Variants in KAZN observed in about 807,000 individuals in gnomAD.
KAZN encodes kazrin, periplakin interacting protein.
A neutral mutation model predicts 87.4 loss-of-function variants in KAZN; 40 were observed. That is an observed-to-expected ratio of 0.46 (90% CI 0.36 to 0.60). KAZN has a LOEUF of 0.60. Ranked by LOEUF, KAZN falls within the 20% of genes least tolerant of loss-of-function variation. The pLI is 0.00. For missense variants in KAZN, 898 were observed against 1,073.9 expected, an observed-to-expected ratio of 0.84 and a Z score of 2.29; for synonymous variants, 466 against 458.3, an observed-to-expected ratio of 1.02 and a Z score of -0.22.
At chr1:14,857,886 C>G (rs1160683209) in intron 1 of KAZN, among the ~76,000 whole-genome samples, 2 of 152,122 alleles carry the variant, frequency 1.3e-5, no homozygotes, top group Non-Finnish European at 2.9e-5. Flanking sequence ...TTCACACTCA[C>G]TTCTTAACCA....
chr1:14,388,626 A>G (rs540320343), intron 2 of KAZN, among the ~76,000 whole-genome samples: 58 of 152,308 alleles, frequency 3.8e-4, no homozygotes, highest in South Asian at 1.4e-3. Context: ...TAAATGATGC[A>G]GGGAAAACTG....
chr1:13,948,000 A>G (rs941550600), intron 1 of KAZN, among the ~76,000 whole-genome samples: 1 of 152,232 alleles, frequency 6.6e-6, no homozygotes, highest in African/African-American at 2.4e-5. Context: ...GGGGGGATAC[A>G]GTTTAGCTCA....
chr1:14,011,695 G>T (rs907612615), intron 1 of KAZN, among the ~76,000 whole-genome samples: 6 of 152,152 alleles, frequency 3.9e-5, no homozygotes, highest in African/African-American at 1.4e-4. Flanking sequence ...GTGACCTTGG[G>T]CAAGTGAGTG....
chr1:15,046,649 G>A (rs116831090), intron 4 of KAZN, among the ~76,000 whole-genome samples: 432 of 152,336 alleles, frequency 2.8e-3, no homozygotes, highest in Non-Finnish European at 4.8e-3. Flanking sequence ...CTAAGGGCCA[G>A]GCCCCAGGAC....
At chr1:14,987,410 C>T (rs1172056367) in intron 2 of KAZN, among the ~76,000 whole-genome samples, 9 of 152,118 alleles carry the variant, frequency 5.9e-5, no homozygotes, top group African/African-American at 2.2e-4. Context: ...AGGAGAATCG[C>T]TTGAACCCAG....
chr1:14,871,889 G>A (rs1464841956), intron 1 of KAZN, among the ~76,000 whole-genome samples: 2 of 152,086 alleles, frequency 1.3e-5, no homozygotes, highest in Non-Finnish European at 2.9e-5. Flanking sequence ...CCGGGAGAAT[G>A]GGGGTGTTTA....
intron 2 of KAZN, among the ~76,000 whole-genome samples, chr1:14,292,822 C>T (rs554493642): frequency 6.6e-6 from 1 of 152,340 alleles, no homozygotes; most frequent in South Asian, 2.1e-4. Context: ...CACCTGTTTC[C>T]TCCAACCCCC....
At chr1:14,261,271 T>G (rs1429992669) in intron 2 of KAZN, among the ~76,000 whole-genome samples, 1 of 152,208 alleles carries the variant, frequency 6.6e-6, no homozygotes, top group African/African-American at 2.4e-5. Flanking sequence ...CAAGTAGGTA[T>G]TTCATGAAGA....
At chr1:14,878,307 T>TGG (rs528105221) in intron 1 of KAZN, among the ~76,000 whole-genome samples, 20 of 152,050 alleles carry the variant, frequency 1.3e-4, no homozygotes, top group African/African-American at 4.3e-4. Context: ...AACAGTTCTT[T>TGG]GGGGGGGTGG....
intron 2 of KAZN, among the ~76,000 whole-genome samples, chr1:14,409,317 G>A (rs1278808324): frequency 6.6e-6 from 1 of 152,158 alleles, no homozygotes; most frequent in African/African-American, 2.4e-5. Context: ...TTAGACTCAA[G>A]AGCAATGAGT....
At chr1:14,675,081 T>A (rs1640135347) in intron 1 of KAZN, among the ~76,000 whole-genome samples, 1 of 152,240 alleles carries the variant, frequency 6.6e-6, no homozygotes, top group Non-Finnish European at 1.5e-5. Flanking sequence ...GTCAGTCTCG[T>A]GGTGTTAGTT....
chr1:14,683,592 C>A lies in KAZN; in HGVS notation c.226+84369C>A, dbSNP rs149212817. On this transcript the variant is annotated intron_variant, in intron 1 of 14. Coordinates refer to ENST00000376030, the MANE Select transcript of KAZN (RefSeq NM_201628.3). Reference sequence around the variant, plus strand: ...ATAAATGATAAATGGATGCACATTGCGTGTCACTTATTCACGACCCATTTA... The same window carrying A: ...ATAAATGATAAATGGATGCACATTGAGTGTCACTTATTCACGACCCATTTA... Among the ~76,000 whole-genome samples, 4 of 152,302 alleles carry A rather than the reference C, an allele frequency of 2.6e-5. No homozygotes were observed. In the East Asian group the frequency reaches 7.7e-4, roughly 29 times the overall value.
chr1:14,559,581 CGAA>C (rs753924958), intron 2 of KAZN, among the ~76,000 whole-genome samples: 27 of 152,276 alleles, frequency 1.8e-4, no homozygotes, highest in East Asian at 5.8e-4. Context: ...GGCCAGTAGA[CGAA>C]GAAGAAGATA....
intron 2 of KAZN, among the ~76,000 whole-genome samples, chr1:15,033,420 C>G (rs1671936085): frequency 6.6e-6 from 1 of 152,052 alleles, no homozygotes; most frequent in African/African-American, 2.4e-5. Context: ...TTTCATAGCT[C>G]TTGGATGTAT....
At chr1:15,069,264 G>A (rs2100584127) in intron 8 of KAZN, among the ~76,000 whole-genome samples, 1 of 152,174 alleles carries the variant, frequency 6.6e-6, no homozygotes, top group Middle Eastern at 3.4e-3. Flanking sequence ...ACTTTACATA[G>A]CCTCAGATAG....
intron 1 of KAZN, among the ~76,000 whole-genome samples, chr1:14,179,658 A>G (rs1434409818): frequency 1.3e-5 from 2 of 152,246 alleles, no homozygotes; most frequent in African/African-American, 4.8e-5. Context: ...TAGAAATTCC[A>G]TGAGGAAAGA....
At chr1:15,034,502 A>G (rs1247961605) in intron 2 of KAZN, among the ~76,000 whole-genome samples, 1 of 151,736 alleles carries the variant, frequency 6.6e-6, no homozygotes, top group East Asian at 1.9e-4. Flanking sequence ...TTCGACAACG[A>G]CTTGCTCCCT....
At chr1:14,967,677 A>G (rs912675462) in intron 2 of KAZN, among the ~76,000 whole-genome samples, 9 of 152,180 alleles carry the variant, frequency 5.9e-5, no homozygotes, top group East Asian at 1.9e-4. Context: ...GAGGGATTCA[A>G]TGTGGGGCCT....
chr1:14,185,834 T>A (rs1646293007), intron 2 of KAZN, among the ~76,000 whole-genome samples: 1 of 152,168 alleles, frequency 6.6e-6, no homozygotes, highest in Non-Finnish European at 1.5e-5. Flanking sequence ...TTTTTTAAAT[T>A]GATAGAGAAA....
Sources: allele counts gnomAD v4.1 joint callset (sites outside exome capture counted in the v4.1 genomes callset), GRCh38; gene constraint gnomAD v4.1.1; transcripts MANE v1.5; gene names NCBI Gene and HGNC (gene_info 2026-07-23, HGNC 2026-07-21).